Variants in GLIS3 observed in about 807,000 individuals in gnomAD.
GLIS3 encodes the protein GLIS family zinc finger 3.
Under a neutral mutation model 78.6 loss-of-function variants are expected in GLIS3, and 53 were observed. The ratio of observed to expected loss-of-function variants is 0.67; its 90% CI spans 0.54 to 0.85. The LOEUF (loss-of-function observed/expected upper bound fraction) is 0.85, where lower values mean the gene tolerates loss of function less well. GLIS3 is among the 40% of genes least tolerant of loss of function. The pLI, the probability that GLIS3 is intolerant of heterozygous loss-of-function variation, is 0.00. For missense variants in GLIS3, 1,703 were observed against 1,231.1 expected, an observed-to-expected ratio of 1.38 and a Z score of -5.74; for synonymous variants, 684 against 509.9, an observed-to-expected ratio of 1.34 and a Z score of -4.60.
chr9:4,134,556 G>A (rs530347715), intron 2 of GLIS3, among the ~76,000 whole-genome samples: 8 of 152,192 alleles, frequency 5.3e-5, no homozygotes, highest in African/African-American at 7.2e-5. Context: ...TGGTTGCTTC[G>A]AGGATGAGTG....
At chr9:3,925,226 A>G (rs1351071321) in intron 6 of GLIS3, among the ~76,000 whole-genome samples, 1 of 152,170 alleles carries the variant, frequency 6.6e-6, no homozygotes, top group African/African-American at 2.4e-5. Context: ...AGGAACTCCC[A>G]AGTTCCATGT....
At chr9:4,024,522 T>C (rs1823152898) in intron 4 of GLIS3, among the ~76,000 whole-genome samples, 1 of 152,176 alleles carries the variant, frequency 6.6e-6, no homozygotes, top group Non-Finnish European at 1.5e-5. Flanking sequence ...CAGAACTAAA[T>C]GAAGCCCAGG....
At chr9:4,163,058 T>G (rs578207803) in intron 2 of GLIS3, among the ~76,000 whole-genome samples, 1 of 152,286 alleles carries the variant, frequency 6.6e-6, no homozygotes, top group Non-Finnish European at 1.5e-5. Flanking sequence ...TGCCTGGGCA[T>G]CATGCTAGGG....
Position 4,027,849 on chromosome 9 carries a change from C to T in GLIS3, c.1710+89919G>A, listed in dbSNP as rs28491516. Among the ~76,000 whole-genome samples the T allele has an allele frequency of 3.2e-3, 490 of 152,300 alleles. 2 individuals carry two copies. Among genetic ancestry groups the T allele is most frequent in the African/African-American group, 0.011 (462 of 41,566 alleles). On this transcript the variant is annotated intron_variant, in intron 4 of 10. Transcript: ENST00000381971. ...CGGCGGAACCCTCGTAGGAGAGGTACGCTCCAGCTAATAGGCCATCAATCT... is the reference window on the plus strand; with the variant it reads ...CGGCGGAACCCTCGTAGGAGAGGTATGCTCCAGCTAATAGGCCATCAATCT...
At chr9:4,239,205 A>G (rs1337463875) in intron 2 of GLIS3, among the ~76,000 whole-genome samples, 1 of 148,658 alleles carries the variant, frequency 6.7e-6, no homozygotes, top group Non-Finnish European at 1.5e-5. Context: ...ATTAGGAGAT[A>G]TACCTAATGC....
intron 2 of GLIS3, chr9:4,285,718 G>T: frequency 2.8e-6 from 1 of 363,088 alleles, no homozygotes; most frequent in East Asian, 6.0e-5. Context: ...TGTATCCGGA[G>T]GGCATGATCT....
At chr9:3,952,166 T>G (rs987349399) in intron 4 of GLIS3, among the ~76,000 whole-genome samples, 1 of 152,180 alleles carries the variant, frequency 6.6e-6, no homozygotes, top group Non-Finnish European at 1.5e-5. Flanking sequence ...ATTTTTCTAA[T>G]TTGAGCAAAC....
the GLIS3 span, among the ~76,000 whole-genome samples, chr9:4,374,313 T>C: frequency 1.3e-5 from 2 of 152,252 alleles, no homozygotes; most frequent in Admixed American, 1.3e-4. Context: ...CCCTGCTTTA[T>C]CTATCCCTGC....
At chr9:3,931,112 A>G (rs1363868272) in intron 6 of GLIS3, among the ~76,000 whole-genome samples, 1 of 152,148 alleles carries the variant, frequency 6.6e-6, no homozygotes, top group Non-Finnish European at 1.5e-5. Context: ...ATTTAACTAC[A>G]TTTCTAGGAA....
At chr9:3,890,039 T>G (rs1357865956) in intron 7 of GLIS3, among the ~76,000 whole-genome samples, 1 of 152,182 alleles carries the variant, frequency 6.6e-6, no homozygotes, top group African/African-American at 2.4e-5. Context: ...ATAAATGACA[T>G]GGCCTGGAAG....
At chr9:4,268,049 G>A (rs534136874) in intron 2 of GLIS3, among the ~76,000 whole-genome samples, 13 of 151,970 alleles carry the variant, frequency 8.6e-5, no homozygotes, top group African/African-American at 2.4e-4. Context: ...ACGTGCGTGC[G>A]TGCGCACACA....
intron 2 of GLIS3, among the ~76,000 whole-genome samples, chr9:4,344,165 T>G (rs967023125): frequency 6.6e-6 from 1 of 152,136 alleles, no homozygotes; most frequent in African/African-American, 2.4e-5. Flanking sequence ...AGCCCACTTC[T>G]CTGGTCCCCT....
At chr9:4,132,593 C>A (rs1202891323) in intron 2 of GLIS3, among the ~76,000 whole-genome samples, 1 of 151,752 alleles carries the variant, frequency 6.6e-6, no homozygotes, top group East Asian at 1.9e-4. Flanking sequence ...AAATGCCAAC[C>A]ACTAGCCAGG....
intron 4 of GLIS3, among the ~76,000 whole-genome samples, chr9:4,078,995 C>G (rs2153440): frequency 0.68 from 102,666 of 151,994 alleles, 35,413 homozygotes; most frequent in African/African-American, 0.81. Context: ...ATACAGCCTT[C>G]CTTCTTTAGG....
the GLIS3 span, among the ~76,000 whole-genome samples, chr9:4,390,363 A>T: frequency 1.3e-5 from 2 of 152,074 alleles, no homozygotes; most frequent in Non-Finnish European, 2.9e-5. Flanking sequence ...TACGTACTTG[A>T]TAAAAGTCTT....
intron 4 of GLIS3, among the ~76,000 whole-genome samples, chr9:4,065,839 A>G (rs1231501890): frequency 6.6e-6 from 1 of 152,200 alleles, no homozygotes; most frequent in African/African-American, 2.4e-5. Flanking sequence ...ATGATATCAC[A>G]CAGTTCTAAC....
intron 2 of GLIS3, among the ~76,000 whole-genome samples, chr9:4,204,332 T>A (rs1819658421): frequency 6.6e-6 from 1 of 152,170 alleles, no homozygotes. Flanking sequence ...TTGGTTTTTG[T>A]ACATATAACC....
chr9:3,976,991 T>A (rs1163856013), intron 4 of GLIS3, among the ~76,000 whole-genome samples: 1 of 151,874 alleles, frequency 6.6e-6, no homozygotes, highest in Non-Finnish European at 1.5e-5. Context: ...TCATGACAGA[T>A]GGCTCCTGCT....
At chr9:4,418,445 T>G in the GLIS3 span, among the ~76,000 whole-genome samples, 1 of 152,312 alleles carries the variant, frequency 6.6e-6, no homozygotes, top group East Asian at 1.9e-4. Context: ...GAAATGACTT[T>G]GTAAGAATTT....
Sources: gnomAD v4.1 joint callset for allele counts (sites outside exome capture counted in the v4.1 genomes callset) on GRCh38, gnomAD v4.1.1 for gene constraint, MANE v1.5 for transcripts, NCBI Gene and HGNC (gene_info 2026-07-23, HGNC 2026-07-21) for gene names.